The following ELOVL6 variants were observed in gnomAD, a reference collection of about 807,000 sequenced individuals.
The protein encoded by ELOVL6 is very long chain fatty acid elongase 6.
A neutral mutation model predicts 31.7 loss-of-function variants in ELOVL6; 8 were observed. The observed-to-expected ratio is 0.25, with a 90% CI of 0.15 to 0.45. The LOEUF is 0.45. Among genes scored for constraint, ELOVL6 ranks in the 20% least tolerant of loss-of-function variants. ELOVL6 has a pLI of 1.00. For missense variants in ELOVL6, 126 were observed against 326.4 expected (o/e 0.39, Z 4.73); for synonymous variants, 101 against 117.7 (o/e 0.86, Z 0.92).
chr4:110,083,392 A>G (rs1428530497), intron 2 of ELOVL6, among the ~76,000 whole-genome samples: 1 of 151,698 alleles, frequency 6.6e-6, no homozygotes, highest in Non-Finnish European at 1.5e-5. Flanking sequence ...AGAAGAACAT[A>G]CCAGGTAGAG....
At chr4:110,089,794 T>A (rs1472821876) in intron 2 of ELOVL6, among the ~76,000 whole-genome samples, 1 of 152,036 alleles carries the variant, frequency 6.6e-6, no homozygotes, top group East Asian at 1.9e-4. Context: ...GAGGCAGTGC[T>A]CCAACGGAAA....
intron 1 of ELOVL6, among the ~76,000 whole-genome samples, chr4:110,112,309 G>A (rs1356017466): frequency 6.6e-6 from 1 of 152,138 alleles, no homozygotes; most frequent in African/African-American, 2.4e-5. Flanking sequence ...CATCAGATGG[G>A]ATCACCTTTA....
In ELOVL6 at chr4:110,051,881, A is replaced by G. The variant is rs1754846506; in HGVS notation, c.374-119T>C. 7 of 801,950 alleles carry G rather than the reference A, an allele frequency of 8.7e-6. No homozygotes were observed. In the Admixed American group the frequency reaches 1.0e-4, roughly 12 times the overall value. 49.7% of individuals were successfully genotyped at this position (801,950 alleles called of 1,614,324 possible). A position where few individuals can be genotyped will look rare whatever the true frequency, so the allele number is the denominator to read the frequency against. On this transcript the variant is annotated intron_variant, in intron 3 of 3. Transcript: ENST00000302274. The surrounding 1 kb of genome is among the most constrained non-coding windows in gnomAD (Gnocchi z 4.8). The stretch of plus-strand genomic sequence containing the variant: ...ACTGGAGAGTTACATAGACTGGATT[A>G]GAACCCTGAACTGGTACTTACTAGC...
chr4:110,066,920 C>T (rs1032446370), intron 2 of ELOVL6, among the ~76,000 whole-genome samples: 2 of 151,986 alleles, frequency 1.3e-5, no homozygotes, highest in African/African-American at 4.8e-5. Flanking sequence ...TCCCCATTGC[C>T]CCCCACCCCC....
At chr4:110,137,284 C>A (rs527449544) in intron 1 of ELOVL6, among the ~76,000 whole-genome samples, 27 of 152,276 alleles carry the variant, frequency 1.8e-4, no homozygotes, top group African/African-American at 6.0e-4. Flanking sequence ...AAGTAACTAG[C>A]TGGTTGCCTT....
At chr4:110,185,576 G>C (rs1759413686) in intron 1 of ELOVL6, among the ~76,000 whole-genome samples, 1 of 152,168 alleles carries the variant, frequency 6.6e-6, no homozygotes, top group South Asian at 2.1e-4. Flanking sequence ...TAGCTAGGTG[G>C]ATTACCAGTG....
chr4:110,091,520 A>G (rs1373624463), intron 2 of ELOVL6, among the ~76,000 whole-genome samples: 11 of 152,170 alleles, frequency 7.2e-5, no homozygotes, highest in Admixed American at 6.5e-4. Flanking sequence ...AAGCTAGCAT[A>G]AACTCCAACT....
chr4:110,120,391 T>C (rs1157956441), intron 1 of ELOVL6, among the ~76,000 whole-genome samples: 2 of 151,584 alleles, frequency 1.3e-5, no homozygotes, highest in Admixed American at 6.6e-5. Context: ...TTACTCAAGA[T>C]ACTTCTTGAG....
chr4:110,187,277 T>G (rs779592149), intron 1 of ELOVL6, among the ~76,000 whole-genome samples: 1 of 151,938 alleles, frequency 6.6e-6, no homozygotes, highest in Non-Finnish European at 1.5e-5. Context: ...TGTCCCTTAA[T>G]TTACATAGTA....
intron 1 of ELOVL6, among the ~76,000 whole-genome samples, chr4:110,169,968 C>T (rs542300426): frequency 5.3e-5 from 8 of 150,962 alleles, no homozygotes; most frequent in Non-Finnish European, 8.8e-5. Context: ...CCACACCTGG[C>T]TAATTTTTGT....
At position 110,084,492 on chromosome 4, in the gene ELOVL6, AC is replaced by A. The variant is rs1417920093; in HGVS notation, c.221+21004del. ...TATAACAATATACACTATAATGTATACACATATATATCATATATGTGTATAC... is the reference window on the plus strand; with the variant it reads ...TATAACAATATACACTATAATGTATAACATATATATCATATATGTGTATAC... On this transcript the variant is annotated intron_variant, in intron 2 of 3. Transcript: ENST00000302274. Among the ~76,000 whole-genome samples, 31 of 42,982 alleles carry A rather than the reference AC, an allele frequency of 7.2e-4. 1 individual carries two copies. In the South Asian group the frequency reaches 0.02, roughly 28 times the overall value. 28.2% of individuals were successfully genotyped at this position (42,982 alleles called of 152,430 possible). A position where few individuals can be genotyped will look rare whatever the true frequency, so the allele number is the denominator to read the frequency against.
At chr4:110,094,447 T>TAA in intron 2 of ELOVL6, among the ~76,000 whole-genome samples, 1 of 109,018 alleles carries the variant, frequency 9.2e-6, no homozygotes, top group East Asian at 2.8e-4. Context: ...ATATATAATA[T>TAA]ATATAACATA....
At chr4:110,085,356 C>G (rs1281809629) in intron 2 of ELOVL6, among the ~76,000 whole-genome samples, 4 of 152,224 alleles carry the variant, frequency 2.6e-5, no homozygotes, top group Non-Finnish European at 5.9e-5. Flanking sequence ...TACCAGAACA[C>G]TGCTATCTCA....
In ELOVL6 at chr4:110,052,011, T is replaced by C. The variant is rs1317529984; in HGVS notation, c.374-249A>G. Reference sequence around the variant, plus strand: ...AGCATGGAATCACCTGAGGATTAAGTAGGATAATCAGCATGGCTCTCTTCA... The same window carrying C: ...AGCATGGAATCACCTGAGGATTAAGCAGGATAATCAGCATGGCTCTCTTCA... On this transcript the variant is annotated intron_variant, in intron 3 of 3. Transcript: ENST00000302274. Among the ~76,000 whole-genome samples, 5 of 152,186 alleles carry C rather than the reference T, an allele frequency of 3.3e-5. No homozygotes were observed. The East Asian group carries it at 5.8e-4, about 18-fold the overall frequency.
intron 3 of ELOVL6, among the ~76,000 whole-genome samples, chr4:110,052,423 A>G (rs1375759349): frequency 6.6e-6 from 1 of 152,266 alleles, no homozygotes; most frequent in Non-Finnish European, 1.5e-5. Flanking sequence ...ATCCTCTTCT[A>G]TACACATTTG....
intron 1 of ELOVL6, among the ~76,000 whole-genome samples, chr4:110,116,819 G>A (rs552680275): frequency 6.6e-6 from 1 of 152,198 alleles, no homozygotes; most frequent in South Asian, 2.1e-4. Context: ...CAATGGTCAA[G>A]TATCAGTCTT....
At chr4:110,150,410 T>C (rs1457261283) in intron 1 of ELOVL6, among the ~76,000 whole-genome samples, 1 of 152,196 alleles carries the variant, frequency 6.6e-6, no homozygotes, top group South Asian at 2.1e-4. Context: ...GTTCTCAATC[T>C]AATAAATACC....
intron 2 of ELOVL6, among the ~76,000 whole-genome samples, chr4:110,079,181 C>T (rs1432799644): frequency 6.6e-6 from 1 of 152,136 alleles, no homozygotes; most frequent in South Asian, 2.1e-4. Context: ...GACAGATCAA[C>T]AAGACAGAAA....
At chr4:110,105,067 T>C (rs1756848348) in intron 2 of ELOVL6, among the ~76,000 whole-genome samples, 1 of 152,210 alleles carries the variant, frequency 6.6e-6, no homozygotes. Flanking sequence ...GTCCAGTGTC[T>C]GGTCTATGTC....
Sources: allele counts gnomAD v4.1 joint callset (sites outside exome capture counted in the v4.1 genomes callset), GRCh38; gene constraint gnomAD v4.1.1; non-coding constraint Gnocchi (gnomAD v3.1); transcripts MANE v1.5; gene names NCBI Gene and HGNC (gene_info 2026-07-23, HGNC 2026-07-21).